The following RNF150 variants were observed in gnomAD, a reference collection of about 807,000 sequenced individuals.
The protein encoded by RNF150 is ring finger protein 150.
A neutral mutation model predicts 39.3 loss-of-function variants in RNF150; 24 were observed. The ratio of observed to expected loss-of-function variants is 0.61; its 90% CI spans 0.44 to 0.86. The LOEUF (loss-of-function observed/expected upper bound fraction) is 0.86. Ranked by LOEUF, RNF150 falls within the 40% of genes least tolerant of loss-of-function variation. RNF150 has a pLI of 0.00. For synonymous variants in RNF150, 255 were observed against 227.3 expected (o/e 1.12, Z -1.10); for missense variants, 502 against 587.8 (o/e 0.85, Z 1.51).
intron 6 of RNF150, among the ~76,000 whole-genome samples, chr4:140,888,425 T>G (rs1453264383): frequency 1.3e-5 from 2 of 152,244 alleles, no homozygotes; most frequent in Non-Finnish European, 2.9e-5. Context: ...GGGGCAGTCA[T>G]GCATTTTATA....
chr4:141,173,804 A>G (rs1047172452), intron 1 of RNF150, among the ~76,000 whole-genome samples: 1 of 152,240 alleles, frequency 6.6e-6, no homozygotes, highest in Non-Finnish European at 1.5e-5. Context: ...ATGTATTTTC[A>G]GTATAAAAAT....
intron 2 of RNF150, among the ~76,000 whole-genome samples, chr4:140,954,064 C>G (rs1045266139): frequency 6.6e-6 from 1 of 152,150 alleles, no homozygotes; most frequent in Admixed American, 6.5e-5. Context: ...TAAAGTGATG[C>G]TAATGGAAGA....
At chr4:141,077,285 T>A (rs1737931105) in intron 1 of RNF150, among the ~76,000 whole-genome samples, 1 of 152,176 alleles carries the variant, frequency 6.6e-6, no homozygotes, top group African/African-American at 2.4e-5. Flanking sequence ...ATACACAAAC[T>A]ATGGCACATC....
At chr4:141,184,449 G>A (rs1727965967) in intron 1 of RNF150, among the ~76,000 whole-genome samples, 1 of 152,116 alleles carries the variant, frequency 6.6e-6, no homozygotes, top group African/African-American at 2.4e-5. Context: ...CCATTTTGTA[G>A]GTTGCCTGTT....
At chr4:141,191,493 A>G (rs1385525649) in intron 1 of RNF150, among the ~76,000 whole-genome samples, 2 of 152,188 alleles carry the variant, frequency 1.3e-5, no homozygotes. Context: ...AACACTTAGT[A>G]TCTATTTGTA....
chr4:141,100,323 G>A (rs1242181976), intron 1 of RNF150, among the ~76,000 whole-genome samples: 1 of 152,162 alleles, frequency 6.6e-6, no homozygotes, highest in African/African-American at 2.4e-5. Flanking sequence ...TGTCTCAGAA[G>A]AACAGGTAAG....
chr4:140,888,806 A>C (rs1174770506), intron 6 of RNF150, among the ~76,000 whole-genome samples: 2 of 152,232 alleles, frequency 1.3e-5, no homozygotes, highest in Non-Finnish European at 2.9e-5. Context: ...CAAATAAGAT[A>C]ATGAATATAA....
chr4:141,087,878 C>A (rs1462835513), intron 1 of RNF150, among the ~76,000 whole-genome samples: 2 of 151,860 alleles, frequency 1.3e-5, no homozygotes, highest in Non-Finnish European at 2.9e-5. Context: ...AGGATCAATT[C>A]TGAATTCCTC....
At chr4:141,051,005 T>C (rs1220962577) in intron 1 of RNF150, among the ~76,000 whole-genome samples, 5 of 152,176 alleles carry the variant, frequency 3.3e-5, no homozygotes, top group Admixed American at 6.5e-5. Context: ...GGTGTTTCCA[T>C]ACCTCCTCTG....
intron 1 of RNF150, among the ~76,000 whole-genome samples, chr4:141,081,652 T>C (rs1045264115): frequency 1.3e-5 from 2 of 152,350 alleles, no homozygotes; most frequent in South Asian, 4.1e-4. Flanking sequence ...AGGTCCACAA[T>C]ATTTTAGAAC....
At chr4:140,971,102 A>G (rs542169466) in intron 1 of RNF150, among the ~76,000 whole-genome samples, 32 of 152,294 alleles carry the variant, frequency 2.1e-4, no homozygotes, top group South Asian at 1.2e-3. Flanking sequence ...ATGCTCCTCC[A>G]GGATCTATAT....
chr4:141,181,458 C>T (rs186907507), intron 1 of RNF150, among the ~76,000 whole-genome samples: 2 of 152,120 alleles, frequency 1.3e-5, no homozygotes, highest in African/African-American at 2.4e-5. Context: ...ATTCTGAAAG[C>T]TGAGCAATTT....
chr4:141,038,355 C>T (rs1736226295), intron 1 of RNF150, among the ~76,000 whole-genome samples: 3 of 152,126 alleles, frequency 2.0e-5, no homozygotes, highest in Admixed American at 2.0e-4. Context: ...AAGTGATTAA[C>T]AGAGTTGACA....
At chr4:141,078,944 T>C (rs1489769903) in intron 1 of RNF150, among the ~76,000 whole-genome samples, 2 of 150,684 alleles carry the variant, frequency 1.3e-5, no homozygotes, top group East Asian at 1.9e-4. Context: ...TACACACACA[T>C]ATATATACAC....
chr4:141,027,740 G>C (rs1483880518), intron 1 of RNF150, among the ~76,000 whole-genome samples: 3 of 152,068 alleles, frequency 2.0e-5, no homozygotes, highest in Non-Finnish European at 4.4e-5. Flanking sequence ...GCCTATATAA[G>C]ACTTAGCCCC....
At position 141,155,084 on chromosome 4, in the gene RNF150, GTTTTA is replaced by G. The variant is rs147232840; in HGVS notation, c.-6+57705_-6+57709del. On this transcript the variant is annotated intron_variant, in intron 1 of 7. Transcript: ENST00000420921. ...ATACATTTGGAGAGGAGAGCTTTATGTTTTATTTTATTTTATTTTGAGACAGAGTC... is the reference window on the plus strand; with the variant it reads ...ATACATTTGGAGAGGAGAGCTTTATGTTTTATTTTATTTTGAGACAGAGTC... Among the ~76,000 whole-genome samples the G allele has an allele frequency of 5.6e-3, 851 of 151,952 alleles. 9 individuals carry two copies. In the East Asian group the frequency reaches 0.068, roughly 12 times the overall value.
intron 1 of RNF150, among the ~76,000 whole-genome samples, chr4:141,047,110 A>G (rs1736607023): frequency 6.6e-6 from 1 of 152,114 alleles, no homozygotes; most frequent in Admixed American, 6.6e-5. Flanking sequence ...GCCAATCAGG[A>G]CTAATGCACA....
In RNF150 at chr4:141,082,250, G is replaced by A. The variant is rs186864623; in HGVS notation, c.484+50075C>T. ...TTCTTCTTTGGAAAAAAGCCTAAAG[G>A]CAACATACATAATAACTGAGGGATT... On this transcript the variant is annotated intron_variant, in intron 1 of 6. Transcript: ENST00000515673. 2.0e-4 allele frequency among the ~76,000 whole-genome samples: 31 copies of A among 152,336 alleles called. 1 individual carries two copies. Among genetic ancestry groups the A allele is most frequent in the African/African-American group, 6.7e-4 (28 of 41,566 alleles).
In RNF150 at chr4:140,867,576, T is replaced by C. The variant is rs1386325889; in HGVS notation, c.*685A>G. On this transcript the variant is annotated 3_prime_UTR_variant, in exon 7 of 7. Coordinates refer to ENST00000515673, the MANE Select transcript of RNF150 (RefSeq NM_020724.2). ...TGATGTGGCTTAAAATAACCAGCAG[T>C]GGCCTCAGCAGATTTAGGGCTTAGT... 6.6e-6 allele frequency: 1 copy of C among 152,180 alleles called. No homozygotes were observed. Among genetic ancestry groups the C allele is most frequent in the Non-Finnish European group, 1.5e-5 (1 of 68,046 alleles). 9.4% of individuals were successfully genotyped at this position (152,180 alleles called of 1,614,324 possible).
Sources: gnomAD v4.1 joint callset for allele counts (sites outside exome capture counted in the v4.1 genomes callset) on GRCh38, gnomAD v4.1.1 for gene constraint, MANE v1.5 for transcripts, NCBI Gene and HGNC (gene_info 2026-07-23, HGNC 2026-07-21) for gene names.